Variants in E2F5 observed in about 807,000 individuals in gnomAD.
E2F5 encodes transcription factor E2F5.
In E2F5, 23 loss-of-function variants were observed where a neutral mutation model predicts 39.1. That is an observed-to-expected ratio of 0.59 (90% CI 0.42 to 0.83). The LOEUF (loss-of-function observed/expected upper bound fraction) is 0.83, where lower values mean the gene tolerates loss of function less well. Ranked by LOEUF, E2F5 falls within the 40% of genes least tolerant of loss-of-function variation. The pLI, the probability that E2F5 is intolerant of heterozygous loss-of-function variation, is 0.00. For synonymous variants in E2F5, 145 were observed against 157.8 expected, an observed-to-expected ratio of 0.92 and a Z score of 0.61; for missense variants, 365 against 406.7, an observed-to-expected ratio of 0.90 and a Z score of 0.88.
chr8:85,213,583 T>TA, intron 7 of E2F5, 170 bp from the exon 8 acceptor site: 1 of 355,124 alleles, frequency 2.8e-6, no homozygotes, highest in Non-Finnish European at 5.1e-6. Context: ...CTTCTGTTTC[T>TA]CAATCTAATA....
At chr8:85,199,054 T>A (rs2129706616) in intron 1 of E2F5, among the ~76,000 whole-genome samples, 1 of 152,228 alleles carries the variant, frequency 6.6e-6, no homozygotes, top group East Asian at 1.9e-4. Context: ...ATGTTAACAT[T>A]TTTCACCATC....
intron 1 of E2F5, chr8:85,200,356 A>T: frequency 1.3e-6 from 1 of 799,250 alleles, no homozygotes; most frequent in Non-Finnish European, 1.5e-6. Flanking sequence ...TTAAATAGTA[A>T]AGTATTTGAG....
At chr8:85,211,715 G>A (rs529711704) in intron 6 of E2F5, among the ~76,000 whole-genome samples, 21 of 139,736 alleles carry the variant, frequency 1.5e-4, no homozygotes, top group African/African-American at 4.4e-4. Context: ...GCAGTGGCGC[G>A]ATCTCAGCTC....
chr8:85,209,892 A>G (rs1812880009), intron 6 of E2F5, among the ~76,000 whole-genome samples: 1 of 152,172 alleles, frequency 6.6e-6, no homozygotes, highest in Non-Finnish European at 1.5e-5. Context: ...TTGTTTCTCC[A>G]TATTCTTTGT....
At chr8:85,191,044 G>T (rs1388387414) in intron 1 of E2F5, among the ~76,000 whole-genome samples, 2 of 152,038 alleles carry the variant, frequency 1.3e-5, no homozygotes, top group African/African-American at 4.8e-5. Flanking sequence ...TCAATATTTT[G>T]ATTTTAGCTC....
chr8:85,187,104 T>A (rs1812360087), intron 1 of E2F5, among the ~76,000 whole-genome samples: 1 of 152,086 alleles, frequency 6.6e-6, no homozygotes, highest in Admixed American at 6.5e-5. Flanking sequence ...ATGTTTTTTG[T>A]TTTTAAATTT....
At chr8:85,186,059 C>T (rs1234066816) in intron 1 of E2F5, among the ~76,000 whole-genome samples, 2 of 152,088 alleles carry the variant, frequency 1.3e-5, no homozygotes, top group Non-Finnish European at 2.9e-5. Flanking sequence ...CACATGCACA[C>T]GTATGTTTAT....
chr8:85,189,216 T>A (rs4150880), intron 1 of E2F5, among the ~76,000 whole-genome samples: 123,709 of 152,172 alleles, frequency 0.81, 51,116 homozygotes, highest in African/African-American at 0.95. Context: ...TACTGAAGTA[T>A]CAGTAGAAAG....
At chr8:85,204,997 C>T (rs1163792126) in intron 3 of E2F5, among the ~76,000 whole-genome samples, 3 of 152,152 alleles carry the variant, frequency 2.0e-5, no homozygotes, top group Non-Finnish European at 4.4e-5. Flanking sequence ...ACCAGCCTGG[C>T]CAACAGGGTG....
At chr8:85,177,761 C>A (rs1812117277) in intron 1 of E2F5, 107 bp downstream of exon 1, 1 of 1,137,868 alleles carries the variant, frequency 8.8e-7, no homozygotes, top group African/African-American at 1.6e-5. Context: ...ACGCGCCTTG[C>A]GGGGACCCGG....
intron 1 of E2F5, among the ~76,000 whole-genome samples, chr8:85,197,907 G>A (rs552412863): frequency 6.6e-6 from 1 of 152,286 alleles, no homozygotes; most frequent in African/African-American, 2.4e-5. Context: ...TTAAATTCAT[G>A]ATCACCAACT....
chr8:85,206,473 C>T (rs1172722917), intron 4 of E2F5, among the ~76,000 whole-genome samples: 2 of 152,176 alleles, frequency 1.3e-5, no homozygotes, highest in Non-Finnish European at 2.9e-5. Context: ...GGGACAGGGA[C>T]AGAGGGCAAG....
chr8:85,187,397 CT>C (rs968087310), intron 1 of E2F5, among the ~76,000 whole-genome samples: 4 of 152,070 alleles, frequency 2.6e-5, no homozygotes, highest in Non-Finnish European at 5.9e-5. Flanking sequence ...TTGAAATCCC[CT>C]ACTATTGTTG....
At chr8:85,195,855 T>G (rs4150912) in intron 1 of E2F5, among the ~76,000 whole-genome samples, 15 of 152,146 alleles carry the variant, frequency 9.9e-5, no homozygotes, top group Non-Finnish European at 1.8e-4. Context: ...TCTTAATAAT[T>G]TATAGGTTTC....
Position 85,177,448 on chromosome 8 carries a change from G to T in E2F5, c.28G>T (p.Gly10Cys). MAAAEPASS[G>C]QQAPAGQGQG... Reference sequence around the variant, plus strand: ...GGCGGCGGCAGAGCCCGCGAGCTCGGGCCAGCAGGCGCCGGCAGGGCAGGG... The same window carrying T: ...GGCGGCGGCAGAGCCCGCGAGCTCGTGCCAGCAGGCGCCGGCAGGGCAGGG... Residue 10 changes from glycine (G) to cysteine (C), a missense_variant, in exon 1 of 8, where the codon GGC becomes TGC. Coordinates refer to ENST00000416274, the MANE Select transcript of E2F5 (RefSeq NM_001951.4). The T allele has an allele frequency of 1.0e-6, 1 of 995,224 alleles. No homozygotes were observed. The highest frequency in any genetic ancestry group is 4.5e-5 in the South Asian group (1 of 22,172). 61.6% of individuals were successfully genotyped at this position (995,224 alleles called of 1,614,324 possible).
chr8:85,202,775 C>T (rs1812721892), intron 2 of E2F5, among the ~76,000 whole-genome samples: 1 of 152,110 alleles, frequency 6.6e-6, no homozygotes, highest in African/African-American at 2.4e-5. Context: ...GCACCTCAGT[C>T]ACATCCTGAG....
At chr8:85,209,646 A>G (rs1812874184) in intron 6 of E2F5, among the ~76,000 whole-genome samples, 1 of 152,226 alleles carries the variant, frequency 6.6e-6, no homozygotes, top group Non-Finnish European at 1.5e-5. Flanking sequence ...AATAGTTTTA[A>G]TTTTTGCATG....
chr8:85,209,371 A>G lies in E2F5; in HGVS notation c.845A>G (p.Gln282Arg). ...LPEQHVSERS[Q>R]ALQQTSATDI... ...GAGCAACATGTCTCTGAAAGAAGCC[A>G]GGCTCTGCAGCAGACATCAGCTACA... Residue 282 changes from glutamine (Q) to arginine (R), a missense_variant, in exon 6 of 8, where the codon CAG (glutamine) becomes CGG (arginine). Transcript: ENST00000416274. The G allele has an allele frequency of 6.2e-7, 1 of 1,613,476 alleles. No individual in the cohort carries two copies. Among genetic ancestry groups the G allele is most frequent in the Non-Finnish European group, 8.5e-7 (1 of 1,179,582 alleles).
intron 7 of E2F5, chr8:85,212,814 C>T (rs1812965736): frequency 6.6e-6 from 1 of 151,786 alleles, no homozygotes; most frequent in African/African-American, 2.4e-5. Context: ...AAGCAGAGAA[C>T]ATCAGCAAAC....
Sources: allele counts gnomAD v4.1 joint callset (sites outside exome capture counted in the v4.1 genomes callset), GRCh38; gene constraint gnomAD v4.1.1; transcripts MANE v1.5; gene names NCBI Gene and HGNC (gene_info 2026-07-23, HGNC 2026-07-21).